Variants in MEMO1 observed in about 807,000 individuals in gnomAD.
MEMO1 encodes the protein protein MEMO1.
In MEMO1, 6 loss-of-function variants were observed where a neutral mutation model predicts 45.2. That is an observed-to-expected ratio of 0.13 (90% confidence interval 0.07 to 0.26). The LOEUF (loss-of-function observed/expected upper bound fraction) is 0.26, where lower values mean the gene tolerates loss of function less well. Ranked by LOEUF, MEMO1 falls within the 10% of genes least tolerant of loss-of-function variation. The probability of loss-of-function intolerance (pLI) is 1.00; values close to 1 mark genes in which losing one functional copy is unlikely to be tolerated. For missense variants in MEMO1, 184 were observed against 370.5 expected (o/e 0.50, Z 4.13); for synonymous variants, 78 against 124.3 (o/e 0.63, Z 2.48).
intron 2 of MEMO1, among the ~76,000 whole-genome samples, chr2:31,959,244 T>C (rs1667728762): frequency 6.6e-6 from 1 of 152,106 alleles, no homozygotes; most frequent in Admixed American, 6.5e-5. Flanking sequence ...ATTAAGGTGG[T>C]AAAGACAAAA....
At chr2:31,953,424 AC>A (rs555388907) in intron 2 of MEMO1, among the ~76,000 whole-genome samples, 115 of 150,438 alleles carry the variant, frequency 7.6e-4, no homozygotes, top group Middle Eastern at 3.5e-3. Context: ...AAATGGACTT[AC>A]TATGTAAATC....
chr2:32,005,667 C>T lies in MEMO1; in HGVS notation c.61+4520G>A, dbSNP rs143673081. ...TTGAATGGCAGCAGTCTCATATCAG[C>T]CCCACCGCTCTTCAGAATGTAAACA... is the stretch of plus-strand genomic sequence containing the variant. On this transcript the variant is annotated intron_variant, in intron 2 of 9. Transcript: ENST00000404530. Among the ~76,000 whole-genome samples, 132 of 152,164 alleles carry T rather than the reference C, an allele frequency of 8.7e-4. 1 individual carries two copies. Among genetic ancestry groups the T allele is most frequent in the African/African-American group, 3.1e-3 (127 of 41,532 alleles).
At chr2:31,879,436 A>C (rs549029444) in intron 8 of MEMO1, among the ~76,000 whole-genome samples, 2 of 152,266 alleles carry the variant, frequency 1.3e-5, no homozygotes, top group African/African-American at 2.4e-5. Context: ...TTGACTCTCT[A>C]AACAATGGCA....
Position 31,869,930 on chromosome 2 carries a change from A to G in MEMO1, c.680T>C (p.Leu227Ser), listed in dbSNP as rs1673430976. Residue 227 changes from leucine (L) to serine (S), a missense_variant, in exon 9 of 10, where the codon TTA (leucine) becomes TCA (serine). By Grantham distance (145) the Leu-to-Ser change is moderately radical. Around this residue, in one of 3 missense-constraint regions of MEMO1, gnomAD observed 97 missense variants for 209.3 expected, o/e 0.46. Transcript: ENST00000404530. The stretch of plus-strand genomic sequence containing the variant: ...GTAATTGCTAAAAGATACAGGGTCT[A>G]ATTGTTCTATAATACTCATACCCTA... ...DKMGMSIIEQ[L>S]DPVSFSNYLK... 6.3e-7 allele frequency: 1 copy of G among 1,575,160 alleles called. No homozygotes were observed. The highest frequency in any genetic ancestry group is 8.6e-7 in the Non-Finnish European group (1 of 1,165,506).
At chr2:31,961,432 C>T (rs2148410092) in intron 2 of MEMO1, among the ~76,000 whole-genome samples, 1 of 151,698 alleles carries the variant, frequency 6.6e-6, no homozygotes, top group African/African-American at 2.4e-5. Context: ...TACAGTGTAC[C>T]TACAATGTGT....
At chr2:31,958,629 TGTG>T (rs1198071168) in intron 2 of MEMO1, among the ~76,000 whole-genome samples, 1 of 151,970 alleles carries the variant, frequency 6.6e-6, no homozygotes, top group Non-Finnish European at 1.5e-5. Context: ...CCAAACTGTG[TGTG>T]GTGTTTTGTT....
In MEMO1 at chr2:31,996,348, GACAA is replaced by G. The variant is rs202093804; in HGVS notation, c.61+13835_61+13838del. ...GGATCACTTGAGGTCAGAAGTTCGA[GACAA>G]ACCTGGACAACATGGTGAAACCCCA... On this transcript the variant is annotated intron_variant, in intron 2 of 9. Coordinates refer to ENST00000404530, the MANE Select transcript of MEMO1 (RefSeq NM_001301833.4). Among the ~76,000 whole-genome samples the G allele has an allele frequency of 6.6e-3, 999 of 152,154 alleles. 11 individuals carry two copies. Among genetic ancestry groups the G allele is most frequent in the African/African-American group, 0.023 (955 of 41,520 alleles).
In MEMO1 at chr2:31,932,202, C is replaced by G; in HGVS notation, c.144-67G>C. On this transcript the variant is annotated intron_variant, in intron 3 of 9. Coordinates refer to ENST00000404530, the MANE Select transcript of MEMO1 (RefSeq NM_001301833.4). Reference sequence around the variant, plus strand: ...AATCAAGATATTCTAGAAAGAAAAACCTTGAAATAAATACAGTACCTATGG... The same window carrying G: ...AATCAAGATATTCTAGAAAGAAAAAGCTTGAAATAAATACAGTACCTATGG... 4.3e-6 allele frequency: 6 copies of G among 1,388,170 alleles called. No homozygotes were observed. In the Admixed American group the frequency reaches 1.0e-4, roughly 24 times the overall value. 86.0% of individuals were successfully genotyped at this position (1,388,170 alleles called of 1,614,324 possible). A position where few individuals can be genotyped will look rare whatever the true frequency, so the allele number is the denominator to read the frequency against.
chr2:31,888,371 A>G (rs949979810), intron 7 of MEMO1, among the ~76,000 whole-genome samples: 1 of 152,148 alleles, frequency 6.6e-6, no homozygotes, highest in Non-Finnish European at 1.5e-5. Flanking sequence ...AGAAGTGAAA[A>G]TTACGTTAAT....
At chr2:31,943,763 A>G (rs1023416198) in intron 2 of MEMO1, among the ~76,000 whole-genome samples, 2 of 152,216 alleles carry the variant, frequency 1.3e-5, no homozygotes, top group African/African-American at 4.8e-5. Context: ...TCTACAGATT[A>G]ATCACTGAAA....
At chr2:31,916,112 A>G (rs963011172) in intron 6 of MEMO1, among the ~76,000 whole-genome samples, 2 of 152,076 alleles carry the variant, frequency 1.3e-5, no homozygotes, top group Admixed American at 6.5e-5. Context: ...TTAAGTTTCT[A>G]TTTTCCTAAA....
At chr2:31,904,007 A>C (rs1209360659) in intron 6 of MEMO1, among the ~76,000 whole-genome samples, 1 of 152,216 alleles carries the variant, frequency 6.6e-6, no homozygotes, top group Non-Finnish European at 1.5e-5. Flanking sequence ...CACAATCAGA[A>C]AGGAAAGTAA....
intron 6 of MEMO1, among the ~76,000 whole-genome samples, chr2:31,914,960 T>TA (rs1681204737): frequency 8.1e-5 from 10 of 122,846 alleles, no homozygotes; most frequent in South Asian, 3.0e-4. Flanking sequence ...CTGTCTCTTT[T>TA]TAAAAAAAAA....
chr2:31,892,592 C>A (rs751252870), intron 6 of MEMO1, among the ~76,000 whole-genome samples: 2 of 152,294 alleles, frequency 1.3e-5, no homozygotes, highest in Non-Finnish European at 2.9e-5. Context: ...CTGGCACTTG[C>A]TCTATAAACC....
At chr2:32,001,823 C>G (rs1483621637) in intron 2 of MEMO1, among the ~76,000 whole-genome samples, 2 of 151,974 alleles carry the variant, frequency 1.3e-5, no homozygotes. Context: ...CATTACCAAC[C>G]CTATACCTAA....
intron 8 of MEMO1, among the ~76,000 whole-genome samples, chr2:31,871,324 A>C (rs537843306): frequency 6.6e-6 from 1 of 152,320 alleles, no homozygotes; most frequent in East Asian, 1.9e-4. Context: ...ATAGTGTAAA[A>C]GCACCAAGAG....
chr2:31,896,648 T>C (rs1393404925), intron 6 of MEMO1, among the ~76,000 whole-genome samples: 1 of 152,112 alleles, frequency 6.6e-6, no homozygotes, highest in Admixed American at 6.5e-5. Flanking sequence ...AAACAGAATC[T>C]ATACAAGAAA....
At chr2:31,905,683 C>A (rs1289326529) in intron 6 of MEMO1, among the ~76,000 whole-genome samples, 1 of 152,168 alleles carries the variant, frequency 6.6e-6, no homozygotes, top group African/African-American at 2.4e-5. Context: ...CTGGCTTTAC[C>A]ATTTCTGATA....
intron 1 of MEMO1, 150 bp from the exon 2 acceptor site, chr2:32,010,414 C>A (rs1176709851): frequency 3.9e-5 from 16 of 405,582 alleles, no homozygotes; most frequent in Non-Finnish European, 6.9e-5. Flanking sequence ...GAGGAGGAGG[C>A]GGCGGCCCAG....
Sources: gnomAD v4.1 joint callset for allele counts (sites outside exome capture counted in the v4.1 genomes callset) on GRCh38, gnomAD v4.1.1 for gene constraint, gnomAD v4.1.1 regional missense constraint, MANE v1.5 for transcripts, NCBI Gene and HGNC (gene_info 2026-07-23, HGNC 2026-07-21) for gene names.